The following UPF2 variants were observed in gnomAD, a reference collection of about 807,000 sequenced individuals.
UPF2 encodes the protein regulator of nonsense transcripts 2.
UPF2 carries 17 observed loss-of-function variants against 141.4 expected under a neutral mutation model. The observed-to-expected ratio is 0.12, with a 90% confidence interval of 0.08 to 0.18. The LOEUF (loss-of-function observed/expected upper bound fraction) is 0.18, where lower values mean the gene tolerates loss of function less well. Among genes scored for constraint, UPF2 ranks in the 10% least tolerant of loss-of-function variants. The pLI is 1.00. For synonymous variants in UPF2, 540 were observed against 498.0 expected (o/e 1.08, Z -1.12); for missense variants, 1,152 against 1,515.9 (o/e 0.76, Z 3.99).
chr10:12,006,611 A>G (rs1834039603), intron 4 of UPF2, among the ~76,000 whole-genome samples: 1 of 152,214 alleles, frequency 6.6e-6, no homozygotes, highest in Non-Finnish European at 1.5e-5. Context: ...AAACACTGAC[A>G]TATTTACAAC....
intron 8 of UPF2, among the ~76,000 whole-genome samples, chr10:11,982,393 C>T (rs1256600896): frequency 6.6e-6 from 1 of 152,172 alleles, no homozygotes; most frequent in Non-Finnish European, 1.5e-5. Flanking sequence ...CTGATCCACC[C>T]TCTTCTCCCA....
At position 12,042,179 on chromosome 10, in the gene UPF2, T is replaced by C; in HGVS notation, c.-19+576A>G. 6.6e-6 allele frequency among the ~76,000 whole-genome samples: 1 copy of C among 150,568 alleles called. No homozygotes were observed. The highest frequency in any genetic ancestry group is 2.4e-5 in the African/African-American group (1 of 40,892). ...CCTACAAACCCCTGCTCTGGTGGTG[T>C]AGGAACCTCTAAACCCACCACACTT... On this transcript the variant is annotated intron_variant, in intron 1 of 21. Transcript: ENST00000357604. The surrounding 1 kb of genome is among the most constrained non-coding windows in gnomAD (Gnocchi z 5.5).
intron 9 of UPF2, among the ~76,000 whole-genome samples, chr10:11,970,224 AG>A (rs1352057760): frequency 6.6e-6 from 1 of 152,248 alleles, no homozygotes; most frequent in African/African-American, 2.4e-5. Flanking sequence ...ACAGGACAAA[AG>A]AAGATTATAC....
chr10:11,967,080 AAT>A (rs1294712329), intron 10 of UPF2, among the ~76,000 whole-genome samples: 1 of 152,140 alleles, frequency 6.6e-6, no homozygotes, highest in African/African-American at 2.4e-5. Flanking sequence ...TAGTTGTTTT[AAT>A]CAAGTTTTAT....
At chr10:12,035,634 A>G (rs1312058091) in intron 1 of UPF2, 193 bp from the exon 2 acceptor site, 2 of 594,298 alleles carry the variant, frequency 3.4e-6, no homozygotes, top group Non-Finnish European at 5.2e-6. Flanking sequence ...ATTATTAGTT[A>G]GGCCTATGTC....
intron 1 of UPF2, among the ~76,000 whole-genome samples, chr10:12,039,670 G>A (rs1834700550): frequency 6.7e-6 from 1 of 149,888 alleles, no homozygotes; most frequent in South Asian, 2.1e-4. Flanking sequence ...CGCCAGGCTG[G>A]AGTGCAGTGG....
chr10:11,964,080 T>C lies in UPF2; in HGVS notation c.2113A>G (p.Thr705Ala). The C allele has an allele frequency of 6.2e-7, 1 of 1,613,874 alleles. No homozygotes were observed. Among genetic ancestry groups the C allele is most frequent in the Non-Finnish European group, 8.5e-7 (1 of 1,179,910 alleles). The change falls in exon 11 of 22, where the codon ACC (threonine) becomes GCC (alanine). Residue 705 changes from threonine (T) to alanine (A), a missense_variant. Physicochemically the swap from Thr to Ala is moderately conservative, Grantham distance 58. Coordinates refer to ENST00000357604, the MANE Select transcript of UPF2 (RefSeq NM_015542.4). ...AACCGTCCACATGTCTCCAGCAGGG[T>C]GCATGCCATTTCAATATGGTGATGA... ...FSHHHIEMAC[T>A]LLETCGRFLF...
At chr10:11,942,861 CAAG>C in intron 17 of UPF2, 98 bp from the exon 18 acceptor site, 1 of 1,108,484 alleles carries the variant, frequency 9.0e-7, no homozygotes, top group South Asian at 1.4e-5. Flanking sequence ...TAACATAACT[CAAG>C]GAGTAAAGTG....
Position 12,001,670 on chromosome 10 carries a change from C to A in UPF2, c.1654+6G>T, listed in dbSNP as rs1353605965. The A allele has an allele frequency of 1.2e-5, 19 of 1,595,690 alleles. No individual in the cohort carries two copies. The highest frequency in any genetic ancestry group is 4.5e-5 in the East Asian group (2 of 44,326). On this transcript the variant is annotated splice_donor_region_variant and intron_variant, in intron 6 of 21. Coordinates refer to ENST00000357604, the MANE Select transcript of UPF2 (RefSeq NM_015542.4). ...AAAAATGAAAGTTGGTAAATTAGTTCTTTACCTTGTTCATCAAGAAGTTTC... is the reference window on the plus strand; with the variant it reads ...AAAAATGAAAGTTGGTAAATTAGTTATTTACCTTGTTCATCAAGAAGTTTC...
At chr10:12,020,914 T>A (rs978770096) in intron 3 of UPF2, among the ~76,000 whole-genome samples, 1 of 152,220 alleles carries the variant, frequency 6.6e-6, no homozygotes, top group Non-Finnish European at 1.5e-5. Context: ...GAAGTTAAAA[T>A]GTCTCTCAAA....
At position 11,981,251 on chromosome 10, in the gene UPF2, A is replaced by C. The variant is rs563800524; in HGVS notation, c.1845-2086T>G. Among the ~76,000 whole-genome samples the C allele has an allele frequency of 6.6e-5, 10 of 152,304 alleles. No homozygotes were observed. In the South Asian group the frequency reaches 2.1e-3, roughly 32 times the overall value. On this transcript the variant is annotated intron_variant, in intron 8 of 21. Coordinates refer to ENST00000357604, the MANE Select transcript of UPF2 (RefSeq NM_015542.4). ...AAATTCATACCTAAAAGCCTCAAAAACATGGTACTCCTCAAAAACTTGGGC... is the reference window on the plus strand; with the variant it reads ...AAATTCATACCTAAAAGCCTCAAAACCATGGTACTCCTCAAAAACTTGGGC...
At chr10:11,984,646 C>T (rs1241481177) in intron 8 of UPF2, among the ~76,000 whole-genome samples, 3 of 151,324 alleles carry the variant, frequency 2.0e-5, no homozygotes, top group African/African-American at 7.3e-5. Flanking sequence ...TTGCACTTCA[C>T]TTCATTTTCT....
In UPF2 at chr10:11,940,760, G is replaced by A. The variant is rs1012926656; in HGVS notation, c.3378+1905C>T. 6.6e-6 allele frequency among the ~76,000 whole-genome samples: 1 copy of A among 152,186 alleles called. No individual in the cohort carries two copies. The highest frequency in any genetic ancestry group is 6.5e-5 in the Admixed American group (1 of 15,282). On this transcript the variant is annotated intron_variant, in intron 18 of 21. Transcript: ENST00000357604. This position sits in a 1 kb window ranked among gnomAD's most constrained non-coding sequence, Gnocchi z 4.2. ...ATCTCTCACCTGAATCACTACAAAAGCCTTCTGTCCAGGCTCCCTGCTTTT... is the reference window on the plus strand; with the variant it reads ...ATCTCTCACCTGAATCACTACAAAAACCTTCTGTCCAGGCTCCCTGCTTTT...
chr10:12,035,269 G>A lies in UPF2; in HGVS notation c.155C>T (p.Ala52Val). The A allele has an allele frequency of 6.2e-7, 1 of 1,613,600 alleles. No homozygotes were observed. Among genetic ancestry groups the A allele is most frequent in the Non-Finnish European group, 8.5e-7 (1 of 1,179,974 alleles). ...CAGTCTCTTCTTCTTGTCTTCAGGG[G>A]CCTTGCTGACCTCCTTCTTGGCAGT... ...KLTAKKEVSK[A>V]PEDKKKRLED... is the part of the protein sequence containing the mutation. The change falls in exon 2 of 22, where the codon GCC becomes GTC. Residue 52 changes from alanine to valine, a missense_variant. Transcript: ENST00000357604.
At chr10:11,977,795 T>G (rs1664345910) in intron 9 of UPF2, among the ~76,000 whole-genome samples, 1 of 152,194 alleles carries the variant, frequency 6.6e-6, no homozygotes, top group Admixed American at 6.5e-5. Flanking sequence ...CAGAGCACAT[T>G]ACCATATTAA....
intron 8 of UPF2, among the ~76,000 whole-genome samples, chr10:11,995,564 C>T (rs1034344430): frequency 6.6e-6 from 1 of 152,122 alleles, no homozygotes; most frequent in African/African-American, 2.4e-5. Flanking sequence ...GCAGGCGGAT[C>T]ACGAAGTCAG....
intron 18 of UPF2, among the ~76,000 whole-genome samples, chr10:11,938,842 GTTTTTTTTTTGTTTTTTTT>G (rs1832887906): frequency 6.5e-5 from 3 of 45,870 alleles, no homozygotes; most frequent in African/African-American, 2.1e-4. Context: ...TCTTAAGCAA[GTTTTTTTTTTGTTTTTTTT>G]TTTTTTTTTT....
chr10:11,951,994 C>T lies in UPF2; in HGVS notation c.3034+72G>A, dbSNP rs1249163808. 6.1e-6 allele frequency: 9 copies of T among 1,484,166 alleles called. No individual in the cohort carries two copies. The South Asian group carries it at 9.3e-5, about 15-fold the overall frequency. 91.9% of individuals were successfully genotyped at this position (1,484,166 alleles called of 1,614,324 possible). On this transcript the variant is annotated intron_variant, in intron 15 of 21. Coordinates refer to ENST00000357604, the MANE Select transcript of UPF2 (RefSeq NM_015542.4). ...ATACAATGTAAGCTCTGACTGGTAA[C>T]ATTATAAAGCAAATTCCAGAAATAA...
At position 11,956,569 on chromosome 10, in the gene UPF2, T is replaced by A. The variant is rs576423398; in HGVS notation, c.2371-46A>T. On this transcript the variant is annotated intron_variant, in intron 12 of 21. Coordinates refer to ENST00000357604, the MANE Select transcript of UPF2 (RefSeq NM_015542.4). The surrounding 1 kb of genome is among the most constrained non-coding windows in gnomAD (Gnocchi z 4.2). ...TCAAATTATTAAGATAAGTACACAG[T>A]AGCCTGACCAAATAATACAGAAATT... The A allele has an allele frequency of 3.2e-6, 5 of 1,554,038 alleles. No individual in the cohort carries two copies. The Admixed American group carries it at 7.5e-5, about 23-fold the overall frequency.
Sources: gnomAD v4.1 joint callset for allele counts (sites outside exome capture counted in the v4.1 genomes callset) on GRCh38, gnomAD v4.1.1 for gene constraint, Gnocchi (gnomAD v3.1) non-coding constraint, MANE v1.5 for transcripts, NCBI Gene and HGNC (gene_info 2026-07-23, HGNC 2026-07-21) for gene names.